Variants in CHD5 observed in about 807,000 individuals in gnomAD.
CHD5 encodes the protein ATP-dependent chromatin remodeler CHD5.
CHD5 carries 69 observed loss-of-function variants against 230.3 expected under a neutral mutation model. The ratio of observed to expected loss-of-function variants is 0.30; its 90% CI spans 0.25 to 0.37. The LOEUF is 0.37. Among genes scored for constraint, CHD5 ranks in the 10% least tolerant of loss-of-function variants. The probability of loss-of-function intolerance (pLI) is 1.00; values close to 1 mark genes in which losing one functional copy is unlikely to be tolerated. For missense variants in CHD5, 1,827 were observed against 2,622.8 expected (o/e 0.70, Z 6.63); for synonymous variants, 1,064 against 1,065.9 (o/e 1.00, Z 0.03).
intron 2 of CHD5, among the ~76,000 whole-genome samples, chr1:6,161,633 G>A (rs533730799): frequency 2.3e-4 from 35 of 152,296 alleles, no homozygotes; most frequent in African/African-American, 2.2e-4. Flanking sequence ...CTGGAGCCAC[G>A]GCTCCCAAGC....
chr1:6,158,311 C>T (rs1025511914), intron 3 of CHD5, among the ~76,000 whole-genome samples: 20 of 152,226 alleles, frequency 1.3e-4, no homozygotes, highest in African/African-American at 4.3e-4. Context: ...CTCTGCCCCA[C>T]GTGCAGTAGG....
chr1:6,140,301 G>C (rs573272074), intron 15 of CHD5, among the ~76,000 whole-genome samples: 1 of 152,058 alleles, frequency 6.6e-6, no homozygotes, highest in Non-Finnish European at 1.5e-5. Flanking sequence ...TTGGGAGGCT[G>C]AGGCAGGAGA....
chr1:6,155,575 G>A lies in CHD5; in HGVS notation c.506+24C>T. 4.4e-6 allele frequency: 7 copies of A among 1,583,346 alleles called. No homozygotes were observed. Among genetic ancestry groups the A allele is most frequent in the Non-Finnish European group, 6.1e-6 (7 of 1,152,202 alleles). On this transcript the variant is annotated intron_variant, in intron 4 of 41. Transcript: ENST00000262450. The surrounding 1 kb of genome is among the most constrained non-coding windows in gnomAD (Gnocchi z 4.0). The stretch of plus-strand genomic sequence containing the variant: ...CCACCAGAGGATGTGCGGGCCTGGA[G>A]AACAGCCCTAGTGCCCCGCCCACCT...
chr1:6,165,126 G>A (rs1437658369), intron 2 of CHD5, among the ~76,000 whole-genome samples: 4 of 152,158 alleles, frequency 2.6e-5, no homozygotes, highest in Admixed American at 1.3e-4. Context: ...AAGGCTCAGC[G>A]TGATCATGGC....
At chr1:6,163,664 A>G (rs1217400388) in intron 2 of CHD5, among the ~76,000 whole-genome samples, 2 of 152,372 alleles carry the variant, frequency 1.3e-5, no homozygotes, top group African/African-American at 2.4e-5. Context: ...ATCAAGAACC[A>G]GAGGCAGATT....
rs1216689375 is a variant in CHD5 at position 6,106,468 on chromosome 1, C to T, written c.5784G>A (p.Gly1928=). 7 of 1,558,808 alleles carry T rather than the reference C, an allele frequency of 4.5e-6. No homozygotes were observed. The highest frequency in any genetic ancestry group is 1.4e-5 in the African/African-American group (1 of 73,344). ...CCGGTCCAGGGCCCCGGAAGTTGGG[C>T]CCAAAGTTGTTGCTGTACATCTGGG... ...GSSQMYSNNF[G]PNFRGPGPGG... Residue 1928 remains glycine (G), a synonymous_variant, in exon 40 of 42, where the codon GGG becomes GGA. Transcript: ENST00000262450.
At chr1:6,147,810 C>G (rs1666934737) in intron 9 of CHD5, among the ~76,000 whole-genome samples, 1 of 152,174 alleles carries the variant, frequency 6.6e-6, no homozygotes, top group African/African-American at 2.4e-5. Context: ...GCCAGCCTTC[C>G]TTTGGCCTTG....
intron 31 of CHD5, among the ~76,000 whole-genome samples, chr1:6,122,580 T>G (rs960583624): frequency 1.3e-5 from 2 of 152,132 alleles, no homozygotes; most frequent in Admixed American, 1.3e-4. Context: ...AGTCTAGTAG[T>G]TTCTCAAAAG....
chr1:6,176,600 T>G (rs1001668324), intron 1 of CHD5, among the ~76,000 whole-genome samples: 3 of 152,204 alleles, frequency 2.0e-5, no homozygotes, highest in African/African-American at 7.2e-5. Context: ...AGCATTTCCT[T>G]GGAGAAGGCA....
intron 7 of CHD5, 66 bp from the exon 8 acceptor site, chr1:6,149,478 C>A (rs930467794): frequency 2.7e-6 from 4 of 1,502,482 alleles, no homozygotes; most frequent in Non-Finnish European, 3.6e-6. Context: ...CCAACTGCAT[C>A]GCCCCAGGCC....
In CHD5 at chr1:6,110,461, A is replaced by G; in HGVS notation, c.5315T>C (p.Phe1772Ser). Residue 1772 changes from phenylalanine (F) to serine (S), a missense_variant, in exon 37 of 42, where the codon TTC becomes TCC. Physicochemically the swap from Phe to Ser is radical, Grantham distance 155. This residue lies in a region of CHD5 where 208 missense variants were observed against 302.0 expected (regional missense o/e 0.69). Coordinates refer to ENST00000262450, the MANE Select transcript of CHD5 (RefSeq NM_015557.3). Reference protein sequence around the residue: ...DPRYMILNEPFKSEVHKGNYL... With the variant: ...DPRYMILNEPSKSEVHKGNYL... ...GTTGCCCTTGTGGACCTCAGACTTGAAGGGCTCGTTGAGGATCATGTACCG... is the reference window on the plus strand; with the variant it reads ...GTTGCCCTTGTGGACCTCAGACTTGGAGGGCTCGTTGAGGATCATGTACCG... 1 of 1,614,034 alleles carries G rather than the reference A, an allele frequency of 6.2e-7. No homozygotes were observed. The highest frequency in any genetic ancestry group is 1.3e-5 in the African/African-American group (1 of 75,046).
chr1:6,176,746 G>C (rs1157794547), intron 1 of CHD5, among the ~76,000 whole-genome samples: 1 of 152,210 alleles, frequency 6.6e-6, no homozygotes, highest in African/African-American at 2.4e-5. Flanking sequence ...CTATGAGGTA[G>C]CCAGTGCTAT....
At chr1:6,135,857 A>G (rs1404842892) in intron 17 of CHD5, among the ~76,000 whole-genome samples, 92 of 152,202 alleles carry the variant, frequency 6.0e-4, no homozygotes, top group Non-Finnish European at 2.9e-5. Flanking sequence ...AAGATATACA[A>G]AAATTAGCCG....
Position 6,105,305 on chromosome 1 carries a change from G to A in CHD5, c.*169C>T. 2.3e-6 allele frequency: 1 copy of A among 435,588 alleles called. No individual in the cohort carries two copies. Among genetic ancestry groups the A allele is most frequent in the African/African-American group, 2.1e-5 (1 of 48,252 alleles). 27.0% of individuals were successfully genotyped at this position (435,588 alleles called of 1,614,324 possible). A position where few individuals can be genotyped will look rare whatever the true frequency, so the allele number is the denominator to read the frequency against. On this transcript the variant is annotated 3_prime_UTR_variant, in exon 42 of 42. Coordinates refer to ENST00000262450, the MANE Select transcript of CHD5 (RefSeq NM_015557.3). This position sits in a 1 kb window ranked among gnomAD's most constrained non-coding sequence, Gnocchi z 4.8. ...CTGGGCTCTGGCCCAGCTGAGCTGG[G>A]CCTCGTCCTCCATGTGATGGCATTA...
rs1571133199 is a variant in CHD5, at chr1:6,105,322, A to T, written c.*152T>A. ...TGAGCTGGGCCTCGTCCTCCATGTG[A>T]TGGCATTACTAGGTTTCCCTTTTTG... is the stretch of plus-strand genomic sequence containing the variant. On this transcript the variant is annotated 3_prime_UTR_variant, in exon 42 of 42. Coordinates refer to ENST00000262450, the MANE Select transcript of CHD5 (RefSeq NM_015557.3). This position sits in a 1 kb window ranked among gnomAD's most constrained non-coding sequence, Gnocchi z 4.8. 2.2e-6 allele frequency: 1 copy of T among 456,662 alleles called. No homozygotes were observed. The allele number at this position is 456,662 out of a possible 1,614,324, so 28.3% of individuals were successfully genotyped here.
At chr1:6,133,816 A>G (rs936080796) in intron 20 of CHD5, among the ~76,000 whole-genome samples, 3 of 152,204 alleles carry the variant, frequency 2.0e-5, no homozygotes, top group Non-Finnish European at 2.9e-5. Flanking sequence ...CCAGGGCCCT[A>G]CCTTAATGAG....
rs550539782 is a variant in CHD5 at position 6,129,956 on chromosome 1, T to G, written c.3387+248A>C. On this transcript the variant is annotated intron_variant, in intron 22 of 41. Coordinates refer to ENST00000262450, the MANE Select transcript of CHD5 (RefSeq NM_015557.3). The surrounding 1 kb of genome is among the most constrained non-coding windows in gnomAD (Gnocchi z 6.8). ...GGCCACTAGGAACTGCTGTGCGCCC[T>G]GGGACACTTCCCCTGCCCTCTCCAA... Among the ~76,000 whole-genome samples the G allele has an allele frequency of 4.0e-4, 61 of 152,288 alleles. No individual in the cohort carries two copies. Among genetic ancestry groups the G allele is most frequent in the Admixed American group, 6.5e-4 (10 of 15,300 alleles).
intron 1 of CHD5, among the ~76,000 whole-genome samples, chr1:6,176,468 G>A (rs763974398): frequency 6.6e-6 from 1 of 152,186 alleles, no homozygotes; most frequent in Non-Finnish European, 1.5e-5. Context: ...TAAGAGGGCT[G>A]AGAGCCACAT....
chr1:6,156,979 G>A (rs116146494), intron 3 of CHD5, among the ~76,000 whole-genome samples: 2,196 of 152,332 alleles, frequency 0.014, 23 homozygotes, highest in African/African-American at 0.039. Context: ...TTCCTGCCTC[G>A]GTTTCCCCAT....
Sources: gnomAD v4.1 joint callset for allele counts (sites outside exome capture counted in the v4.1 genomes callset) on GRCh38, gnomAD v4.1.1 for gene constraint, gnomAD v4.1.1 regional missense constraint, Gnocchi (gnomAD v3.1) non-coding constraint, MANE v1.5 for transcripts, NCBI Gene and HGNC (gene_info 2026-07-23, HGNC 2026-07-21) for gene names.